The following PPP2R2B variants were observed in gnomAD, a reference collection of about 807,000 sequenced individuals.
The protein encoded by PPP2R2B is protein phosphatase 2 regulatory subunit Bbeta.
A neutral mutation model predicts 46.0 loss-of-function variants in PPP2R2B; 5 were observed. That is an observed-to-expected ratio of 0.11 (90% CI 0.06 to 0.23). PPP2R2B has a LOEUF of 0.23. Among genes scored for constraint, PPP2R2B ranks in the 10% least tolerant of loss-of-function variants. The pLI, the probability that PPP2R2B is intolerant of heterozygous loss-of-function variation, is 1.00. For synonymous variants in PPP2R2B, 215 were observed against 206.7 expected, an observed-to-expected ratio of 1.04 and a Z score of -0.34; for missense variants, 367 against 575.0, an observed-to-expected ratio of 0.64 and a Z score of 3.70.
intron 2 of PPP2R2B, among the ~76,000 whole-genome samples, chr5:146,812,795 A>ATATATATATATATG (rs1757681902): frequency 2.9e-5 from 1 of 34,024 alleles, no homozygotes; most frequent in African/African-American, 1.4e-4. Context: ...ATATGTGTGT[A>ATATATATATATATG]TATATATATA....
chr5:147,073,050 T>C (rs1408292330), intron 2 of PPP2R2B, among the ~76,000 whole-genome samples: 4 of 152,146 alleles, frequency 2.6e-5, no homozygotes, highest in Non-Finnish European at 1.5e-5. Context: ...CAGGAAAGTG[T>C]ACAGTGCTTA....
At chr5:146,671,636 A>T (rs1311294495) in intron 5 of PPP2R2B, among the ~76,000 whole-genome samples, 1 of 152,344 alleles carries the variant, frequency 6.6e-6, no homozygotes, top group East Asian at 1.9e-4. Context: ...AGCAGATACT[A>T]TAAGTGACGG....
chr5:146,639,061 G>T (rs2151079649), intron 6 of PPP2R2B, among the ~76,000 whole-genome samples: 1 of 152,266 alleles, frequency 6.6e-6, no homozygotes, highest in East Asian at 1.9e-4. Flanking sequence ...TTTTTCAGGG[G>T]TGGAAACGGA....
intron 1 of PPP2R2B, among the ~76,000 whole-genome samples, chr5:147,010,679 C>T (rs950888341): frequency 6.6e-6 from 1 of 152,160 alleles, no homozygotes; most frequent in African/African-American, 2.4e-5. Context: ...CTTCACTTTG[C>T]TTGCCCGCCG....
intron 1 of PPP2R2B, among the ~76,000 whole-genome samples, chr5:146,921,319 G>A (rs1393640504): frequency 1.3e-5 from 2 of 152,154 alleles, no homozygotes; most frequent in African/African-American, 2.4e-5. Context: ...ATTATCAAAT[G>A]CCTTTGGGAG....
chr5:146,802,691 C>T (rs1178506605), intron 2 of PPP2R2B, among the ~76,000 whole-genome samples: 2 of 152,244 alleles, frequency 1.3e-5, no homozygotes, highest in East Asian at 3.9e-4. Flanking sequence ...AGGGTTTTGT[C>T]AGCAGGTTGG....
At chr5:146,814,263 T>C (rs1349767878) in intron 2 of PPP2R2B, among the ~76,000 whole-genome samples, 1 of 152,032 alleles carries the variant, frequency 6.6e-6, no homozygotes, top group Non-Finnish European at 1.5e-5. Context: ...ATGTTAGTTT[T>C]CTAATTTGCC....
At chr5:146,916,292 C>CA (rs1167160131) in intron 1 of PPP2R2B, among the ~76,000 whole-genome samples, 13 of 117,720 alleles carry the variant, frequency 1.1e-4, no homozygotes, top group African/African-American at 4.4e-4. Context: ...ATGTTACCAC[C>CA]GTTTTTTTTT....
At chr5:146,746,169 G>C (rs1753179744) in intron 2 of PPP2R2B, among the ~76,000 whole-genome samples, 1 of 152,070 alleles carries the variant, frequency 6.6e-6, no homozygotes, top group African/African-American at 2.4e-5. Flanking sequence ...ATTAGGCTGG[G>C]GACCCAGAGA....
chr5:146,696,800 A>G (rs1561840233), intron 4 of PPP2R2B, among the ~76,000 whole-genome samples: 1 of 152,134 alleles, frequency 6.6e-6, no homozygotes, highest in Non-Finnish European at 1.5e-5. Context: ...ATTTTTTTAG[A>G]CTTCTATGCT....
intron 2 of PPP2R2B, among the ~76,000 whole-genome samples, chr5:146,782,052 A>G (rs1302248058): frequency 6.6e-6 from 1 of 151,416 alleles, no homozygotes; most frequent in Non-Finnish European, 1.5e-5. Flanking sequence ...AGTGTGTAGC[A>G]CCTCCCCCAC....
intron 2 of PPP2R2B, among the ~76,000 whole-genome samples, chr5:146,719,804 A>AGACGGAG (rs1780694628): frequency 2.4e-5 from 3 of 127,056 alleles, no homozygotes; most frequent in African/African-American, 1.1e-4. Context: ...ATGAGTTTCT[A>AGACGGAG]TCATCTAAAA....
chr5:147,037,942 G>A (rs889427606), intron 1 of PPP2R2B, among the ~76,000 whole-genome samples: 4 of 152,122 alleles, frequency 2.6e-5, no homozygotes, highest in African/African-American at 9.7e-5. Context: ...ATAAATGTTT[G>A]TTGAGGGAAT....
intron 2 of PPP2R2B, among the ~76,000 whole-genome samples, chr5:146,706,037 G>A (rs1779821616): frequency 6.6e-6 from 1 of 152,130 alleles, no homozygotes; most frequent in Middle Eastern, 3.4e-3. Flanking sequence ...TGGAGGCATG[G>A]GCAAGGGGCG....
At chr5:146,791,463 G>A (rs1270881762) in intron 2 of PPP2R2B, among the ~76,000 whole-genome samples, 1 of 151,794 alleles carries the variant, frequency 6.6e-6, no homozygotes, top group African/African-American at 2.4e-5. Context: ...TGAGCTAATC[G>A]GCATATTCCC....
chr5:146,813,143 G>GTA (rs577766660), intron 2 of PPP2R2B, among the ~76,000 whole-genome samples: 2 of 151,096 alleles, frequency 1.3e-5, no homozygotes, highest in Non-Finnish European at 2.9e-5. Flanking sequence ...GTGTGTGTGT[G>GTA]TATATATATG....
At chr5:146,862,194 C>A (rs916995117) in intron 2 of PPP2R2B, among the ~76,000 whole-genome samples, 1 of 152,158 alleles carries the variant, frequency 6.6e-6, no homozygotes, top group Admixed American at 6.5e-5. Flanking sequence ...TCAGAGGGAC[C>A]TGCAAGTCTA....
chr5:146,721,809 T>G (rs1488451198), intron 2 of PPP2R2B, among the ~76,000 whole-genome samples: 3 of 152,220 alleles, frequency 2.0e-5, no homozygotes, highest in African/African-American at 7.2e-5. Context: ...ACCTCTTAAG[T>G]AGCTCTTGCA....
chr5:146,777,034 C>T (rs1485096981), intron 2 of PPP2R2B, among the ~76,000 whole-genome samples: 1 of 152,066 alleles, frequency 6.6e-6, no homozygotes, highest in African/African-American at 2.4e-5. Flanking sequence ...AATCCCCACA[C>T]ATTGCTGGAG....
Sources: allele counts gnomAD v4.1 joint callset (sites outside exome capture counted in the v4.1 genomes callset), GRCh38; gene constraint gnomAD v4.1.1; transcripts MANE v1.5; gene names NCBI Gene and HGNC (gene_info 2026-07-23, HGNC 2026-07-21).